The following ARNT2 variants were observed in gnomAD, a reference collection of about 807,000 sequenced individuals.
ARNT2 encodes aryl hydrocarbon receptor nuclear translocator 2, also known as ARNT protein 2.
A neutral mutation model predicts 91.7 loss-of-function variants in ARNT2; 36 were observed. That is an observed-to-expected ratio of 0.39 (90% CI 0.30 to 0.52). The LOEUF (loss-of-function observed/expected upper bound fraction) is 0.52, where lower values mean the gene tolerates loss of function less well. ARNT2 is among the 20% of genes least tolerant of loss of function. The pLI is 0.72. For synonymous variants in ARNT2, 365 were observed against 347.1 expected (o/e 1.05, Z -0.57); for missense variants, 775 against 939.3 (o/e 0.83, Z 2.29).
At chr15:80,539,846 A>T (rs1040662543) in intron 8 of ARNT2, among the ~76,000 whole-genome samples, 1 of 151,522 alleles carries the variant, frequency 6.6e-6, no homozygotes, top group African/African-American at 2.4e-5. Flanking sequence ...ATCTCACCCC[A>T]TCTAGGATGG....
intron 8 of ARNT2, among the ~76,000 whole-genome samples, chr15:80,515,075 C>A (rs140470306): frequency 6.6e-6 from 1 of 152,256 alleles, no homozygotes; most frequent in East Asian, 1.9e-4. Flanking sequence ...TGAGATACAT[C>A]GTATTCTCAC....
intron 5 of ARNT2, among the ~76,000 whole-genome samples, chr15:80,497,189 A>C (rs775539775): frequency 4.6e-5 from 7 of 152,248 alleles, no homozygotes; most frequent in Non-Finnish European, 1.0e-4. Flanking sequence ...TATGTAGTTA[A>C]AGTCCCAAGT....
At chr15:80,530,363 G>T (rs1297520668) in intron 8 of ARNT2, among the ~76,000 whole-genome samples, 1 of 152,118 alleles carries the variant, frequency 6.6e-6, no homozygotes, top group Non-Finnish European at 1.5e-5. Context: ...CATACTGCTT[G>T]CTGGGACTTA....
At chr15:80,550,983 A>G (rs757628399) in intron 8 of ARNT2, 6 of 515,728 alleles carry the variant, frequency 1.2e-5, no homozygotes, top group African/African-American at 7.7e-5. Context: ...TCATCCACAG[A>G]TGGAGATGAT....
chr15:80,529,138 GAGA>G (rs1897694936), intron 8 of ARNT2, among the ~76,000 whole-genome samples: 1 of 152,242 alleles, frequency 6.6e-6, no homozygotes, highest in African/African-American at 2.4e-5. Context: ...TTGCAAGGTT[GAGA>G]AGTTCTTCCT....
chr15:80,583,719 T>C (rs1171446317), intron 17 of ARNT2, among the ~76,000 whole-genome samples: 1 of 152,204 alleles, frequency 6.6e-6, no homozygotes, highest in Non-Finnish European at 1.5e-5. Flanking sequence ...CAGGCTAACT[T>C]ACTATAGCTG....
At chr15:80,528,519 C>T (rs1897680976) in intron 8 of ARNT2, among the ~76,000 whole-genome samples, 1 of 152,098 alleles carries the variant, frequency 6.6e-6, no homozygotes, top group Admixed American at 6.6e-5. Flanking sequence ...TGCGCACCCC[C>T]TGCCCCACAA....
At chr15:80,530,519 C>T (rs1260833029) in intron 8 of ARNT2, among the ~76,000 whole-genome samples, 2 of 152,170 alleles carry the variant, frequency 1.3e-5, no homozygotes, top group African/African-American at 2.4e-5. Context: ...TCGACTCTTC[C>T]CTCCACCCAT....
rs145633860 is a variant in ARNT2, at chr15:80,592,944, T to C, written c.2056-656T>C. Among the ~76,000 whole-genome samples, 105 of 152,374 alleles carry C rather than the reference T, an allele frequency of 6.9e-4. 1 individual carries two copies. Among genetic ancestry groups the C allele is most frequent in the African/African-American group, 2.5e-3 (103 of 41,586 alleles). ...CAATAAGGACTGGATTTCTAGGAGGTAGGCAAAGTGTGCCTTGTTTCCCAA... is the reference window on the plus strand; with the variant it reads ...CAATAAGGACTGGATTTCTAGGAGGCAGGCAAAGTGTGCCTTGTTTCCCAA... On this transcript the variant is annotated intron_variant, in intron 18 of 18. Transcript: ENST00000303329.
chr15:80,458,698 G>A (rs1288309759), intron 3 of ARNT2, among the ~76,000 whole-genome samples: 1 of 151,790 alleles, frequency 6.6e-6, no homozygotes, highest in Non-Finnish European at 1.5e-5. Flanking sequence ...TTAAGATATG[G>A]TAGGAAGTTT....
intron 1 of ARNT2, among the ~76,000 whole-genome samples, chr15:80,405,054 T>C (rs1244109925): frequency 2.0e-5 from 3 of 148,152 alleles, no homozygotes; most frequent in African/African-American, 7.3e-5. Flanking sequence ...CCTTTGCGAC[T>C]GGCTGCTGTG....
intron 11 of ARNT2, among the ~76,000 whole-genome samples, chr15:80,557,992 C>G (rs1222314551): frequency 6.6e-6 from 1 of 152,226 alleles, no homozygotes; most frequent in Non-Finnish European, 1.5e-5. Context: ...CCGTCTCATC[C>G]TCATGTGGAC....
intron 8 of ARNT2, among the ~76,000 whole-genome samples, chr15:80,540,000 A>G (rs1484592037): frequency 6.6e-6 from 1 of 152,132 alleles, no homozygotes; most frequent in African/African-American, 2.4e-5. Flanking sequence ...AAAACTACAA[A>G]TAGAACTACC....
At chr15:80,449,197 GC>G (rs1567182446) in intron 1 of ARNT2, among the ~76,000 whole-genome samples, 1 of 152,142 alleles carries the variant, frequency 6.6e-6, no homozygotes, top group Non-Finnish European at 1.5e-5. Context: ...GGGGGTAAGT[GC>G]ACAGCTTTTT....
intron 8 of ARNT2, among the ~76,000 whole-genome samples, chr15:80,539,061 C>CA (rs1897867283): frequency 6.6e-6 from 1 of 151,408 alleles, no homozygotes. Flanking sequence ...CAAAGCTAGG[C>CA]AAAAAATTGA....
intron 5 of ARNT2, among the ~76,000 whole-genome samples, chr15:80,492,164 CTGAG>C (rs1897066273): frequency 1.3e-5 from 2 of 152,112 alleles, no homozygotes; most frequent in Non-Finnish European, 2.9e-5. Context: ...CCTTAGCCTC[CTGAG>C]TAATTGGGAC....
chr15:80,570,878 G>A (rs1406010334), intron 12 of ARNT2, among the ~76,000 whole-genome samples: 1 of 152,160 alleles, frequency 6.6e-6, no homozygotes, highest in African/African-American at 2.4e-5. Context: ...CTGAATGAAT[G>A]ACTCTTCTGG....
intron 5 of ARNT2, among the ~76,000 whole-genome samples, chr15:80,481,854 C>A (rs1042915736): frequency 2.0e-5 from 3 of 152,210 alleles, no homozygotes; most frequent in Non-Finnish European, 2.9e-5. Context: ...CAGCCTCATC[C>A]TCCCATGTAG....
chr15:80,434,253 A>G (rs928973810), intron 1 of ARNT2: 1 of 152,198 alleles, frequency 6.6e-6, no homozygotes, highest in Non-Finnish European at 1.5e-5. Context: ...TCCTCTGAGG[A>G]TGCTTCTGAG....
Sources: allele counts gnomAD v4.1 joint callset (sites outside exome capture counted in the v4.1 genomes callset), GRCh38; gene constraint gnomAD v4.1.1; transcripts MANE v1.5; gene names NCBI Gene and HGNC (gene_info 2026-07-23, HGNC 2026-07-21).